The following DSG2 variants were observed in gnomAD, a reference collection of about 807,000 sequenced individuals.
The protein encoded by DSG2 is desmoglein 2, also known as desmoglein-2.
DSG2 carries 45 observed loss-of-function variants against 75.6 expected under a neutral mutation model. The ratio of observed to expected loss-of-function variants is 0.60; its 90% CI spans 0.47 to 0.76. The LOEUF (loss-of-function observed/expected upper bound fraction) is 0.76, where lower values mean the gene tolerates loss of function less well. DSG2 is among the 30% of genes least tolerant of loss of function. The pLI, the probability that DSG2 is intolerant of heterozygous loss-of-function variation, is 0.00. For missense variants in DSG2, 1,267 were observed against 1,357.4 expected (o/e 0.93, Z 1.05); for synonymous variants, 429 against 483.9 (o/e 0.89, Z 1.49).
At chr18:31,523,018 G>A (rs142099060) in intron 6 of DSG2, among the ~76,000 whole-genome samples, 103 of 152,266 alleles carry the variant, frequency 6.8e-4, no homozygotes, top group African/African-American at 1.5e-3. Flanking sequence ...TTTTAACAGC[G>A]TACAAGAGTA....
chr18:31,504,587 T>C (rs1439508186), intron 1 of DSG2, among the ~76,000 whole-genome samples: 1 of 152,052 alleles, frequency 6.6e-6, no homozygotes, highest in African/African-American at 2.4e-5. Context: ...ACAGTACATA[T>C]ATTACTAGGA....
intron 1 of DSG2, among the ~76,000 whole-genome samples, chr18:31,500,278 C>A (rs1386694184): frequency 6.6e-6 from 1 of 152,192 alleles, no homozygotes; most frequent in African/African-American, 2.4e-5. Context: ...GTAATGACTT[C>A]AAAGCCACAC....
chr18:31,543,785 G>C (rs897122160), intron 14 of DSG2, among the ~76,000 whole-genome samples: 9 of 151,008 alleles, frequency 6.0e-5, no homozygotes, highest in Non-Finnish European at 1.2e-4. Flanking sequence ...GGGATCACTT[G>C]AGCCTGGAAA....
chr18:31,503,278 G>C (rs1003464223), intron 1 of DSG2, among the ~76,000 whole-genome samples: 1 of 152,180 alleles, frequency 6.6e-6, no homozygotes, highest in East Asian at 1.9e-4. Context: ...ATAGAGAAAC[G>C]TAGTACCATG....
At chr18:31,517,328 G>A (rs1258040607) in intron 1 of DSG2, among the ~76,000 whole-genome samples, 1 of 152,166 alleles carries the variant, frequency 6.6e-6, no homozygotes, top group Non-Finnish European at 1.5e-5. Flanking sequence ...TGGTTTGATA[G>A]AAGAAATAAG....
chr18:31,518,837 A>T (rs1343658533), intron 2 of DSG2, among the ~76,000 whole-genome samples: 1 of 152,304 alleles, frequency 6.6e-6, no homozygotes, highest in Middle Eastern at 3.4e-3. Flanking sequence ...TAGTATAAGG[A>T]TTATTTCTGA....
chr18:31,537,058 G>C (rs2073235388), intron 11 of DSG2, among the ~76,000 whole-genome samples: 1 of 152,112 alleles, frequency 6.6e-6, no homozygotes, highest in Non-Finnish European at 1.5e-5. Flanking sequence ...TGTCCTTCAG[G>C]GTGGTTCTGA....
chr18:31,523,778 G>A lies in DSG2; in HGVS notation c.691-670G>A, dbSNP rs115446817. On this transcript the variant is annotated intron_variant, in intron 6 of 14. Transcript: ENST00000261590. ...AGAACCCGAAGGTCAAAGCGAATAA[G>A]TGCATGTCCAACACAGTCAGTAAGT... Among the ~76,000 whole-genome samples the A allele has an allele frequency of 3.5e-3, 531 of 152,328 alleles. 6 individuals are homozygous for A. The highest frequency in any genetic ancestry group is 0.012 in the African/African-American group (516 of 41,576).
Position 31,535,257 on chromosome 18 carries a change from T to G in DSG2, c.1281-13T>G. 6.5e-7 allele frequency: 1 copy of G among 1,544,174 alleles called. No homozygotes were observed. ...CAGAATTCAAAATTAATTTTATGTTTGTTTTATGACAGATATGTAAAATTA... is the reference window on the plus strand; with the variant it reads ...CAGAATTCAAAATTAATTTTATGTTGGTTTTATGACAGATATGTAAAATTA... On this transcript the variant is annotated splice_polypyrimidine_tract_variant and intron_variant, in intron 9 of 14. Coordinates refer to ENST00000261590, the MANE Select transcript of DSG2 (RefSeq NM_001943.5).
chr18:31,541,984 G>C (rs947398379), intron 13 of DSG2, among the ~76,000 whole-genome samples: 5 of 152,100 alleles, frequency 3.3e-5, no homozygotes, highest in Non-Finnish European at 5.9e-5. Flanking sequence ...TCATGTCCTA[G>C]TTCTAGCTAC....
At position 31,524,785 on chromosome 18, in the gene DSG2, A is replaced by T; in HGVS notation, c.911A>T (p.Asp304Val). Residue 304 changes from aspartate (D) to valine (V), a missense_variant, in exon 8 of 15, where the codon GAT becomes GTT. By Grantham distance (152) the Asp-to-Val change is radical (BLOSUM62 -3). Coordinates refer to ENST00000261590, the MANE Select transcript of DSG2 (RefSeq NM_001943.5). ...KVFDADEIGS[D>V]NWLANFTFAS... is the part of the protein sequence containing the mutation. ...TTCGATGCAGATGAAATAGGTTCTGATAATTGGCTGGCAAATTTTACATTT... is the reference window on the plus strand; with the variant it reads ...TTCGATGCAGATGAAATAGGTTCTGTTAATTGGCTGGCAAATTTTACATTT... 1 of 1,614,204 alleles carries T rather than the reference A, an allele frequency of 6.2e-7. No homozygotes were observed. The highest frequency in any genetic ancestry group is 1.6e-4 in the Middle Eastern group (1 of 6,062).
intron 1 of DSG2, among the ~76,000 whole-genome samples, chr18:31,503,357 T>G (rs1228793852): frequency 1.3e-5 from 2 of 152,064 alleles, no homozygotes; most frequent in African/African-American, 4.8e-5. Flanking sequence ...AATTATAAAT[T>G]AGTGAGATGA....
intron 1 of DSG2, among the ~76,000 whole-genome samples, chr18:31,507,074 C>G (rs1055842155): frequency 6.6e-6 from 1 of 152,146 alleles, no homozygotes; most frequent in African/African-American, 2.4e-5. Context: ...CTATCCCTCC[C>G]CTACCCCCAC....
intron 11 of DSG2, among the ~76,000 whole-genome samples, chr18:31,537,437 G>C (rs2073237853): frequency 6.6e-6 from 1 of 152,102 alleles, no homozygotes; most frequent in Non-Finnish European, 1.5e-5. Context: ...GGCTAACACG[G>C]TGAAACCCCG....
chr18:31,507,544 A>G (rs916037146), intron 1 of DSG2, among the ~76,000 whole-genome samples: 4 of 152,220 alleles, frequency 2.6e-5, no homozygotes, highest in Admixed American at 2.0e-4. Context: ...AGTCCCACCA[A>G]CAGTGTAAAA....
chr18:31,501,500 G>C (rs1449640831), intron 1 of DSG2, among the ~76,000 whole-genome samples: 1 of 152,196 alleles, frequency 6.6e-6, no homozygotes, highest in East Asian at 1.9e-4. Context: ...CCAAAATCAA[G>C]ATATGGGCAG....
In DSG2 at chr18:31,498,301, G is replaced by C. The variant is rs1423214260; in HGVS notation, c.45+5G>C. The C allele has an allele frequency of 5.5e-6, 7 of 1,263,658 alleles. No homozygotes were observed. The highest frequency in any genetic ancestry group is 7.0e-6 in the Non-Finnish European group (7 of 998,550). 78.3% of individuals were successfully genotyped at this position (1,263,658 alleles called of 1,614,324 possible). On this transcript the variant is annotated splice_donor_5th_base_variant and intron_variant, in intron 1 of 14. Transcript: ENST00000261590. ...TACGCCCTGCTGCTTCTCCTGGTAAGTGCCGCAAGCGGGACAGGGGAGCCA... is the reference window on the plus strand; with the variant it reads ...TACGCCCTGCTGCTTCTCCTGGTAACTGCCGCAAGCGGGACAGGGGAGCCA...
intron 1 of DSG2, among the ~76,000 whole-genome samples, chr18:31,504,620 C>T (rs1053359448): frequency 1.3e-5 from 2 of 152,060 alleles, no homozygotes; most frequent in Non-Finnish European, 2.9e-5. Flanking sequence ...GGGTGGGAGA[C>T]AATGGCAGTG....
chr18:31,539,101 G>T, intron 12 of DSG2, 123 bp downstream of exon 12: 1 of 901,794 alleles, frequency 1.1e-6, no homozygotes, highest in Non-Finnish European at 1.8e-6. Flanking sequence ...AGCACTTTGA[G>T]GGTGAATAGG....
Sources: allele counts gnomAD v4.1 joint callset (sites outside exome capture counted in the v4.1 genomes callset), GRCh38; gene constraint gnomAD v4.1.1; transcripts MANE v1.5; gene names NCBI Gene and HGNC (gene_info 2026-07-23, HGNC 2026-07-21).